The following NKAIN3 variants were observed in gnomAD, a reference collection of about 807,000 sequenced individuals.
The protein encoded by NKAIN3 is sodium/potassium transporting ATPase interacting 3, also known as sodium/potassium-transporting ATPase subunit beta-1-interacting protein 3.
Under a neutral mutation model 30.2 loss-of-function variants are expected in NKAIN3, and 25 were observed. That is an observed-to-expected ratio of 0.83 (90% CI 0.60 to 1.16). The LOEUF (loss-of-function observed/expected upper bound fraction) is 1.16. NKAIN3 is among the 50% of genes most tolerant of loss of function. The pLI is 0.00. For missense variants in NKAIN3, 225 were observed against 254.1 expected, an observed-to-expected ratio of 0.89 and a Z score of 0.78; for synonymous variants, 91 against 89.6, an observed-to-expected ratio of 1.02 and a Z score of -0.09.
chr8:62,412,822 G>T (rs1309470017), intron 1 of NKAIN3, among the ~76,000 whole-genome samples: 2 of 147,060 alleles, frequency 1.4e-5, no homozygotes, highest in East Asian at 4.3e-4. Context: ...TGAGGTAGGA[G>T]AATCGCTTGA....
chr8:62,439,915 G>A (rs1805274857), intron 1 of NKAIN3, among the ~76,000 whole-genome samples: 1 of 152,138 alleles, frequency 6.6e-6, no homozygotes, highest in African/African-American at 2.4e-5. Flanking sequence ...TTGTTGCTGT[G>A]TTTATAGATT....
Position 62,730,169 on chromosome 8 carries a change from T to C in NKAIN3, c.274-16763T>C, listed in dbSNP as rs186965488. Among the ~76,000 whole-genome samples the C allele has an allele frequency of 3.1e-3, 465 of 152,296 alleles. 2 individuals carry two copies. Among genetic ancestry groups the C allele is most frequent in the Admixed American group, 7.8e-3 (119 of 15,304 alleles). On this transcript the variant is annotated intron_variant, in intron 3 of 6. Transcript: ENST00000623646. ...TATTTTCTGCTCTTACATGTACTTCTAATATCCTTATTGTTGTCTTTTAAG... is the reference window on the plus strand; with the variant it reads ...TATTTTCTGCTCTTACATGTACTTCCAATATCCTTATTGTTGTCTTTTAAG...
chr8:62,598,182 G>A (rs1216001901), intron 3 of NKAIN3, among the ~76,000 whole-genome samples: 1 of 152,014 alleles, frequency 6.6e-6, no homozygotes, highest in Non-Finnish European at 1.5e-5. Context: ...AGGCAGAGTA[G>A]GATTCATTAA....
chr8:62,433,242 A>G (rs1805070363), intron 1 of NKAIN3, among the ~76,000 whole-genome samples: 1 of 152,172 alleles, frequency 6.6e-6, no homozygotes, highest in African/African-American at 2.4e-5. Context: ...ATCTCTGGGC[A>G]GAAGCATCAA....
chr8:62,732,378 T>C (rs1815499586), intron 3 of NKAIN3, among the ~76,000 whole-genome samples: 1 of 152,102 alleles, frequency 6.6e-6, no homozygotes, highest in Admixed American at 6.5e-5. Context: ...TACCAAAATG[T>C]AAAAGTTTTT....
chr8:62,526,889 T>C (rs1268324553), intron 1 of NKAIN3, among the ~76,000 whole-genome samples: 1 of 152,112 alleles, frequency 6.6e-6, no homozygotes, highest in East Asian at 1.9e-4. Context: ...TGACACCACC[T>C]TCCTACATCT....
At chr8:62,510,950 C>T (rs1485266571) in intron 1 of NKAIN3, among the ~76,000 whole-genome samples, 1 of 152,104 alleles carries the variant, frequency 6.6e-6, no homozygotes, top group African/African-American at 2.4e-5. Context: ...CTCTGTTTCC[C>T]ACATAAATGG....
chr8:62,921,566 A>G (rs1363206670), intron 5 of NKAIN3, among the ~76,000 whole-genome samples: 2 of 152,202 alleles, frequency 1.3e-5, no homozygotes, highest in Non-Finnish European at 2.9e-5. Flanking sequence ...TCTTATAAAG[A>G]TTATGATTGC....
At position 62,969,027 on chromosome 8, in the gene NKAIN3, AC is replaced by A; in HGVS notation, c.*3622del. Among the ~76,000 whole-genome samples, 1 of 152,308 alleles carries A rather than the reference AC, an allele frequency of 6.6e-6. No individual in the cohort carries two copies. The highest frequency in any genetic ancestry group is 2.1e-4 in the South Asian group (1 of 4,826). On this transcript the variant is annotated 3_prime_UTR_variant, in exon 7 of 7. Transcript: ENST00000623646. ...CCCCAAGTATCTTAGCCTTCCACCT[AC>A]CACATAAAGTGAGGGTATGTGTCCC...
At chr8:62,578,847 G>T (rs894459954) in intron 1 of NKAIN3, among the ~76,000 whole-genome samples, 2 of 151,896 alleles carry the variant, frequency 1.3e-5, no homozygotes, top group Non-Finnish European at 2.9e-5. Flanking sequence ...TAAAACAATT[G>T]AACTCATGGA....
chr8:62,379,717 A>G (rs533399765), intron 1 of NKAIN3, among the ~76,000 whole-genome samples: 1 of 152,246 alleles, frequency 6.6e-6, no homozygotes, highest in East Asian at 1.9e-4. Context: ...ACTGTGAATC[A>G]ATTCAACCTG....
chr8:62,384,646 A>G (rs1054903790), intron 1 of NKAIN3, among the ~76,000 whole-genome samples: 9 of 152,164 alleles, frequency 5.9e-5, no homozygotes, highest in East Asian at 1.9e-4. Context: ...TCAAGAATCA[A>G]TTGTATTTTG....
chr8:62,803,551 G>C (rs1243748399), intron 4 of NKAIN3, among the ~76,000 whole-genome samples: 1 of 152,118 alleles, frequency 6.6e-6, no homozygotes, highest in Non-Finnish European at 1.5e-5. Flanking sequence ...AAATAAAGAT[G>C]TTCTTTGAAA....
At chr8:62,428,438 G>T (rs912182991) in intron 1 of NKAIN3, among the ~76,000 whole-genome samples, 2 of 151,874 alleles carry the variant, frequency 1.3e-5, no homozygotes, top group African/African-American at 4.8e-5. Context: ...CACAGTGACT[G>T]ACTGCAGTAA....
intron 3 of NKAIN3, among the ~76,000 whole-genome samples, chr8:62,706,316 C>T (rs1314245222): frequency 6.6e-6 from 1 of 152,054 alleles, no homozygotes; most frequent in East Asian, 1.9e-4. Context: ...AATACATCTC[C>T]AGATTTTTAG....
At chr8:62,897,091 A>T (rs779353103) in intron 4 of NKAIN3, among the ~76,000 whole-genome samples, 36 of 152,284 alleles carry the variant, frequency 2.4e-4, no homozygotes, top group Non-Finnish European at 3.7e-4. Flanking sequence ...AGACAAACTC[A>T]ATAGAGCAAC....
chr8:62,779,413 C>T (rs1817287264), intron 4 of NKAIN3, among the ~76,000 whole-genome samples: 1 of 152,142 alleles, frequency 6.6e-6, no homozygotes, highest in South Asian at 2.1e-4. Context: ...TCTCCTCTGA[C>T]TAGGGCTGTT....
intron 1 of NKAIN3, among the ~76,000 whole-genome samples, chr8:62,502,022 C>T (rs189237820): frequency 1.3e-5 from 2 of 152,222 alleles, no homozygotes; most frequent in Admixed American, 1.3e-4. Context: ...GAGAGCTGCC[C>T]ACCATGTGGC....
intron 4 of NKAIN3, among the ~76,000 whole-genome samples, chr8:62,782,530 T>C (rs984771785): frequency 2.4e-4 from 36 of 151,848 alleles, no homozygotes; most frequent in Non-Finnish European, 5.9e-5. Flanking sequence ...TAGGTGTCCA[T>C]CAATGGATGA....
Sources: gnomAD v4.1 joint callset for allele counts (sites outside exome capture counted in the v4.1 genomes callset) on GRCh38, gnomAD v4.1.1 for gene constraint, MANE v1.5 for transcripts, NCBI Gene and HGNC (gene_info 2026-07-23, HGNC 2026-07-21) for gene names.